The following DPP10 variants were observed in gnomAD, a reference collection of about 807,000 sequenced individuals.
The protein encoded by DPP10 is dipeptidyl peptidase like 10.
In DPP10, 33 loss-of-function variants were observed where a neutral mutation model predicts 120.9. The ratio of observed to expected loss-of-function variants is 0.27; its 90% CI spans 0.21 to 0.37. The LOEUF (loss-of-function observed/expected upper bound fraction) is 0.37. Among genes scored for constraint, DPP10 ranks in the 10% least tolerant of loss-of-function variants. The pLI is 1.00. For synonymous variants in DPP10, 337 were observed against 326.1 expected (o/e 1.03, Z -0.36); for missense variants, 816 against 942.8 (o/e 0.87, Z 1.76).
At chr2:114,594,600 A>C (rs533727150) in intron 1 of DPP10, among the ~76,000 whole-genome samples, 2 of 148,874 alleles carry the variant, frequency 1.3e-5, no homozygotes, top group Non-Finnish European at 3.0e-5. Context: ...ATATACATAT[A>C]TATCTCATAT....
rs545187689 is a variant in DPP10 at position 115,736,470 on chromosome 2, T to G, written c.698-3269T>G. 2.0e-4 allele frequency among the ~76,000 whole-genome samples: 30 copies of G among 152,270 alleles called. 2 individuals are homozygous for G. Among genetic ancestry groups the G allele is most frequent in the African/African-American group, 7.0e-4 (29 of 41,564 alleles). ...TGGTGCTTTTTTGCCACAAAATATT[T>G]CCTTTTTTGAGATAAGGTAATGTGG... On this transcript the variant is annotated intron_variant, in intron 8 of 25. Coordinates refer to ENST00000410059, the MANE Select transcript of DPP10 (RefSeq NM_020868.6).
intron 1 of DPP10, among the ~76,000 whole-genome samples, chr2:114,867,527 A>T (rs976209010): frequency 6.6e-6 from 1 of 152,164 alleles, no homozygotes. Flanking sequence ...CTTTCCTTAT[A>T]AGTTAAAATC....
chr2:115,744,314 A>T (rs1677672927), intron 9 of DPP10, among the ~76,000 whole-genome samples: 1 of 150,440 alleles, frequency 6.6e-6, no homozygotes, highest in Non-Finnish European at 1.5e-5. Context: ...GTAGGCTGGT[A>T]GGCTAAAAAT....
chr2:114,612,268 C>G (rs1411474497), intron 1 of DPP10, among the ~76,000 whole-genome samples: 2 of 152,120 alleles, frequency 1.3e-5, no homozygotes, highest in Non-Finnish European at 1.5e-5. Context: ...TTTCTCCTGA[C>G]ATTCCTGCAT....
chr2:114,596,504 A>T (rs1691918812), intron 1 of DPP10, among the ~76,000 whole-genome samples: 1 of 152,116 alleles, frequency 6.6e-6, no homozygotes, highest in South Asian at 2.1e-4. Context: ...AAGTTCAGTG[A>T]TAAGATAAAT....
intron 1 of DPP10, among the ~76,000 whole-genome samples, chr2:114,598,833 A>AT (rs905309962): frequency 1.3e-5 from 2 of 151,780 alleles, no homozygotes; most frequent in Non-Finnish European, 2.9e-5. Context: ...CTTGAGGGAA[A>AT]TTTTTAAATA....
At position 115,161,799 on chromosome 2, in the gene DPP10, C is replaced by T. The variant is rs1216346043; in HGVS notation, c.61-147440C>T. 5 of 704,146 alleles carry T rather than the reference C, an allele frequency of 7.1e-6. No homozygotes were observed. In the African/African-American group the frequency reaches 7.6e-5, roughly 11 times the overall value. The allele number at this position is 704,146 out of a possible 1,614,324, so 43.6% of individuals were successfully genotyped here. A position where few individuals can be genotyped will look rare whatever the true frequency, so the allele number is the denominator to read the frequency against. ...CTACGACGGGGAGCCCGCCCGGTGC[C>T]GCTCTTCTTCCCCTCCCCGCCCCTC... On this transcript the variant is annotated intron_variant, in intron 1 of 25. Coordinates refer to ENST00000410059, the MANE Select transcript of DPP10 (RefSeq NM_020868.6).
At chr2:115,121,983 C>A (rs1223665207) in intron 1 of DPP10, among the ~76,000 whole-genome samples, 1 of 152,150 alleles carries the variant, frequency 6.6e-6, no homozygotes, top group Non-Finnish European at 1.5e-5. Context: ...GGGTATGCAT[C>A]GAAGGGTCAT....
intron 17 of DPP10, among the ~76,000 whole-genome samples, chr2:115,788,321 G>A (rs1471392441): frequency 2.6e-5 from 4 of 151,986 alleles, no homozygotes; most frequent in Admixed American, 1.3e-4. Context: ...GTTTAAAATC[G>A]ATAATCTCCT....
rs539151395 is a variant in DPP10 at position 115,365,351 on chromosome 2, A to C, written c.271+21439A>C. Among the ~76,000 whole-genome samples the C allele has an allele frequency of 3.3e-5, 5 of 152,112 alleles. No homozygotes were observed. In the South Asian group the frequency reaches 8.3e-4, roughly 25 times the overall value. On this transcript the variant is annotated intron_variant, in intron 3 of 25. Coordinates refer to ENST00000410059, the MANE Select transcript of DPP10 (RefSeq NM_020868.6). ...ATAGGAATAATTTGGACTCTCACAG[A>C]GGAACATTTTCAAGTTATGGTTTAG...
chr2:114,880,877 G>T (rs889098709), intron 1 of DPP10, among the ~76,000 whole-genome samples: 2 of 152,134 alleles, frequency 1.3e-5, no homozygotes, highest in African/African-American at 4.8e-5. Flanking sequence ...ATTGAAAAGG[G>T]TATGAAAGTG....
chr2:114,547,346 C>T (rs753131371), intron 1 of DPP10, among the ~76,000 whole-genome samples: 3 of 152,180 alleles, frequency 2.0e-5, no homozygotes, highest in Non-Finnish European at 4.4e-5. Context: ...TGGATGCAGG[C>T]ATGGGAGGCA....
chr2:115,116,542 C>A (rs958093682), intron 1 of DPP10, among the ~76,000 whole-genome samples: 1 of 152,100 alleles, frequency 6.6e-6, no homozygotes, highest in Non-Finnish European at 1.5e-5. Context: ...CCAAGACTAC[C>A]TTTTGTTAGT....
chr2:115,693,265 G>A (rs1260991131), intron 7 of DPP10, among the ~76,000 whole-genome samples: 1 of 152,122 alleles, frequency 6.6e-6, no homozygotes, highest in African/African-American at 2.4e-5. Context: ...AAATATGAAT[G>A]TGCAGGGTTT....
intron 5 of DPP10, among the ~76,000 whole-genome samples, chr2:115,649,909 G>A (rs1240609446): frequency 6.6e-6 from 1 of 151,934 alleles, no homozygotes; most frequent in African/African-American, 2.4e-5. Context: ...TGCTATTCAG[G>A]TCATCTGGCA....
At chr2:114,836,741 C>G (rs112252793) in intron 1 of DPP10, among the ~76,000 whole-genome samples, 180 of 152,258 alleles carry the variant, frequency 1.2e-3, no homozygotes, top group African/African-American at 4.2e-3. Flanking sequence ...AACCTGTGAG[C>G]ACTATGGGAG....
At chr2:115,076,672 G>A (rs1365349579) in intron 1 of DPP10, among the ~76,000 whole-genome samples, 1 of 152,054 alleles carries the variant, frequency 6.6e-6, no homozygotes, top group African/African-American at 2.4e-5. Context: ...TGTTGGTAAA[G>A]GTTACTAATT....
rs537033070 is a variant in DPP10 at position 115,463,125 on chromosome 2, A to G, written c.272-36385A>G. Among the ~76,000 whole-genome samples the G allele has an allele frequency of 1.3e-4, 20 of 152,308 alleles. No individual in the cohort carries two copies. In the South Asian group the frequency reaches 4.1e-3, roughly 32 times the overall value. On this transcript the variant is annotated intron_variant, in intron 3 of 25. Coordinates refer to ENST00000410059, the MANE Select transcript of DPP10 (RefSeq NM_020868.6). ...GCTACTCTGTGCCAGTGTCAACTGCATTTGGAAATTACTCATATTCCTCTG... is the reference window on the plus strand; with the variant it reads ...GCTACTCTGTGCCAGTGTCAACTGCGTTTGGAAATTACTCATATTCCTCTG...
intron 1 of DPP10, among the ~76,000 whole-genome samples, chr2:114,599,715 C>T (rs1692212060): frequency 6.6e-6 from 1 of 151,702 alleles, no homozygotes; most frequent in Non-Finnish European, 1.5e-5. Flanking sequence ...ATAAGTTTCA[C>T]TGTATAAGAA....
Sources: allele counts gnomAD v4.1 joint callset (sites outside exome capture counted in the v4.1 genomes callset), GRCh38; gene constraint gnomAD v4.1.1; transcripts MANE v1.5; gene names NCBI Gene and HGNC (gene_info 2026-07-23, HGNC 2026-07-21).